Variants in HFE observed in about 807,000 individuals in gnomAD.
HFE encodes the protein hereditary hemochromatosis protein.
HFE carries 36 observed loss-of-function variants against 40.9 expected under a neutral mutation model. That is an observed-to-expected ratio of 0.88 (90% CI 0.67 to 1.16). The LOEUF (loss-of-function observed/expected upper bound fraction) is 1.16, where lower values mean the gene tolerates loss of function less well. Among genes scored for constraint, HFE ranks in the 50% most tolerant of loss-of-function variants. HFE has a pLI of 0.00. For synonymous variants in HFE, 157 were observed against 165.4 expected (o/e 0.95, Z 0.39); for missense variants, 376 against 432.0 (o/e 0.87, Z 1.15).
At chr6:26,087,640 C>A in intron 1 of HFE, 124 bp downstream of exon 1, 1 of 764,398 alleles carries the variant, frequency 1.3e-6, no homozygotes, top group South Asian at 1.7e-5. Context: ...TCCGCAAGCC[C>A]CTCTCCCTAC....
rs377254261 is a variant in HFE, at chr6:26,090,874, C to T, written c.110C>T (p.Ala37Val). Residue 37 changes from alanine to valine, a missense_variant, in exon 2 of 6, where the codon GCC (alanine) becomes GTC (valine). Ala to Val is a moderately conservative substitution (Grantham distance 64). Around this residue, in one of 3 missense-constraint regions of HFE, gnomAD observed 200 missense variants for 228.5 expected, o/e 0.88. Coordinates refer to ENST00000357618, the MANE Select transcript of HFE (RefSeq NM_000410.4). ...SHSLHYLFMG[A>V]SEQDLGLSLF... ...TCTCTGCACTACCTCTTCATGGGTG[C>T]CTCAGAGCAGGACCTTGGTCTTTCC... 3 of 1,614,120 alleles carry T rather than the reference C, an allele frequency of 1.9e-6. No homozygotes were observed. The highest frequency in any genetic ancestry group is 1.1e-5 in the South Asian group (1 of 91,082).
rs1762952108 is a variant in HFE at position 26,094,851 on chromosome 6, CTG to C, written c.*628_*629del. 3 of 198,000 alleles carry C rather than the reference CTG, an allele frequency of 1.5e-5. No homozygotes were observed. The highest frequency in any genetic ancestry group is 7.0e-5 in the African/African-American group (3 of 42,652). The allele number at this position is 198,000 out of a possible 1,614,324, so 12.3% of individuals were successfully genotyped here. A position where few individuals can be genotyped will look rare whatever the true frequency, so the allele number is the denominator to read the frequency against. Reference sequence around the variant, plus strand: ...GTCCCAGAAAAAGCATCATGGCTATCTGTGGGTAGTATGATGGGTGTTTTTAG... The same window carrying C: ...GTCCCAGAAAAAGCATCATGGCTATCTGGGTAGTATGATGGGTGTTTTTAG... On this transcript the variant is annotated 3_prime_UTR_variant, in exon 6 of 6. Coordinates refer to ENST00000357618, the MANE Select transcript of HFE (RefSeq NM_000410.4).
Position 26,091,496 on chromosome 6 carries a change from C to G in HFE, c.523C>G (p.Arg175Gly). The G allele has an allele frequency of 6.2e-7, 1 of 1,614,110 alleles. No homozygotes were observed. Residue 175 changes from arginine (R) to glycine (G), a missense_variant, in exon 3 of 6, where the codon CGG becomes GGG. By Grantham distance (125) the Arg-to-Gly change is moderately radical. Coordinates refer to ENST00000357618, the MANE Select transcript of HFE (RefSeq NM_000410.4). ...GCTGGAGTGGGAAAGGCACAAGATT[C>G]GGGCCAGGCAGAACAGGGCCTACCT... is the stretch of plus-strand genomic sequence containing the variant. ...TKLEWERHKI[R>G]ARQNRAYLER...
At position 26,096,798 on chromosome 6, in the gene HFE, C is replaced by T. The variant is rs186060045; in HGVS notation, c.*2572C>T. 2 of 359,070 alleles carry T rather than the reference C, an allele frequency of 5.6e-6. No homozygotes were observed. The highest frequency in any genetic ancestry group is 4.3e-5 in the African/African-American group (2 of 46,898). 22.2% of individuals were successfully genotyped at this position (359,070 alleles called of 1,614,324 possible). On this transcript the variant is annotated 3_prime_UTR_variant, in exon 6 of 6. Transcript: ENST00000357618. ...TAGTATTATTGTTGCATTAAAAATG[C>T]ATATACTTTAATAAATGTATATTGT... is the stretch of plus-strand genomic sequence containing the variant.
At chr6:26,089,938 C>A (rs898654099) in intron 1 of HFE, among the ~76,000 whole-genome samples, 3 of 152,030 alleles carry the variant, frequency 2.0e-5, no homozygotes, top group Non-Finnish European at 4.4e-5. Context: ...CCCTGACCCC[C>A]TGAAAAAGAG....
chr6:26,091,066 A>T lies in HFE; in HGVS notation c.302A>T (p.Asp101Val). Residue 101 changes from aspartate to valine, a missense_variant, in exon 2 of 6, where the codon GAC (aspartate) becomes GTC (valine). Physicochemically the swap from Asp to Val is radical, Grantham distance 152. Coordinates refer to ENST00000357618, the MANE Select transcript of HFE (RefSeq NM_000410.4). ...GGGTGGGATCACATGTTCACTGTTG[A>T]CTTCTGGACTATTATGGAAAATCAC... is the stretch of plus-strand genomic sequence containing the variant. ...LKGWDHMFTV[D>V]FWTIMENHNH... 6.2e-7 allele frequency: 1 copy of T among 1,614,098 alleles called. No homozygotes were observed. The highest frequency in any genetic ancestry group is 8.5e-7 in the Non-Finnish European group (1 of 1,180,016).
rs540866415 is a variant in HFE, at chr6:26,092,336, C to A, written c.617-349C>A. 1.4e-3 allele frequency among the ~76,000 whole-genome samples: 209 copies of A among 152,290 alleles called. 5 individuals are homozygous for A. The South Asian group carries it at 0.022, about 16-fold the overall frequency. On this transcript the variant is annotated intron_variant, in intron 3 of 5. Transcript: ENST00000357618. ...ATAATCACTGAAGCTACCTATCTTA[C>A]AAGTCCGCTTCTTATAACAATGCCT...
intron 3 of HFE, among the ~76,000 whole-genome samples, chr6:26,091,901 G>A (rs958537189): frequency 6.6e-6 from 1 of 151,894 alleles, no homozygotes; most frequent in Non-Finnish European, 1.5e-5. Context: ...TGTCAAGGCC[G>A]GGCACGGTGG....
In HFE at chr6:26,092,610, A is replaced by G. The variant is rs1355574645; in HGVS notation, c.617-75A>G. 9.3e-6 allele frequency: 15 copies of G among 1,613,598 alleles called. No individual in the cohort carries two copies. The East Asian group carries it at 3.3e-4, about 36-fold the overall frequency. ...GTATTTCCTTCCTCCAACCTATAGA[A>G]GGAAGTGAAAGTTCCAGTCTTCCTG... On this transcript the variant is annotated intron_variant, in intron 3 of 5. Transcript: ENST00000357618.
At chr6:26,091,763 G>T (rs1338598385) in intron 3 of HFE, among the ~76,000 whole-genome samples, 174 bp downstream of exon 3, 1 of 152,168 alleles carries the variant, frequency 6.6e-6, no homozygotes, top group Non-Finnish European at 1.5e-5. Flanking sequence ...AGATGTATGA[G>T]ACAGCCACAA....
Position 26,091,323 on chromosome 6 carries a change from C to T in HFE, c.350C>T (p.Thr117Ile), listed in dbSNP as rs1309538770. 2 of 1,614,024 alleles carry T rather than the reference C, an allele frequency of 1.2e-6. No homozygotes were observed. The highest frequency in any genetic ancestry group is 1.7e-6 in the Non-Finnish European group (2 of 1,180,034). ...ENHNHSKESH[T>I]LQVILGCEMQ... ...CTGGGGATTTTTCCAGAGTCCCACACCCTGCAGGTCATCCTGGGCTGTGAA... is the reference window on the plus strand; with the variant it reads ...CTGGGGATTTTTCCAGAGTCCCACATCCTGCAGGTCATCCTGGGCTGTGAA... The change falls in exon 3 of 6, where the codon ACC (threonine) becomes ATC (isoleucine). Residue 117 changes from threonine (T) to isoleucine (I), a missense_variant. Physicochemically the swap from Thr to Ile is moderately conservative, Grantham distance 89 (BLOSUM62 -1). Coordinates refer to ENST00000357618, the MANE Select transcript of HFE (RefSeq NM_000410.4).
chr6:26,093,797 C>G (rs1762891897), intron 5 of HFE, among the ~76,000 whole-genome samples: 1 of 151,948 alleles, frequency 6.6e-6, no homozygotes, highest in Admixed American at 6.6e-5. Flanking sequence ...CCTGAGTTTG[C>G]GTAGCTATCA....
At chr6:26,094,165 C>G (rs963057738) in intron 5 of HFE, 21 bp from the exon 6 acceptor site, 9 of 1,613,384 alleles carry the variant, frequency 5.6e-6, no homozygotes, top group Non-Finnish European at 7.6e-6. Flanking sequence ...TGCCTCTTTC[C>G]TGGGTCTCTT....
At chr6:26,094,057 T>C in intron 5 of HFE, 129 bp from the exon 6 acceptor site, 1 of 880,330 alleles carries the variant, frequency 1.1e-6, no homozygotes, top group Non-Finnish European at 1.9e-6. Context: ...TGAGAGATAA[T>C]GGTTCTTGAA....
chr6:26,092,840 C>T lies in HFE; in HGVS notation c.772C>T (p.Pro258Ser). The T allele has an allele frequency of 6.2e-7, 1 of 1,614,186 alleles. No homozygotes were observed. The stretch of plus-strand genomic sequence containing the variant: ...GGAGTTCGAACCTAAAGACGTATTG[C>T]CCAATGGGGATGGGACCTACCAGGG... ...AKEFEPKDVLPNGDGTYQGWI... is the reference protein window; with the variant it reads ...AKEFEPKDVLSNGDGTYQGWI... Residue 258 changes from proline (P) to serine (S), a missense_variant, in exon 4 of 6, where the codon CCC becomes TCC. Physicochemically the swap from Pro to Ser is moderately conservative, Grantham distance 74 (BLOSUM62 -1). Around this residue, in one of 3 missense-constraint regions of HFE, gnomAD observed 173 missense variants for 186.9 expected, o/e 0.93. Transcript: ENST00000357618.
chr6:26,091,698 T>A, intron 3 of HFE, 109 bp downstream of exon 3: 1 of 1,133,958 alleles, frequency 8.8e-7, no homozygotes, highest in Non-Finnish European at 1.3e-6. Context: ...GCTGTGTGCC[T>A]CTCCAAATTC....
chr6:26,092,889 C>T lies in HFE; in HGVS notation c.821C>T (p.Pro274Leu). 1 of 1,614,172 alleles carries T rather than the reference C, an allele frequency of 6.2e-7. No homozygotes were observed. Among genetic ancestry groups the T allele is most frequent in the Non-Finnish European group, 8.5e-7 (1 of 1,180,020 alleles). ...YQGWITLAVP[P>L]GEEQRYTCQV... The stretch of plus-strand genomic sequence containing the variant: ...GGCTGGATAACCTTGGCTGTACCCC[C>T]TGGGGAAGAGCAGAGATATACGTGC... The change falls in exon 4 of 6, where the codon CCT becomes CTT. Residue 274 changes from proline to leucine, a missense_variant. Coordinates refer to ENST00000357618, the MANE Select transcript of HFE (RefSeq NM_000410.4).
In HFE at chr6:26,090,909, G is replaced by A; in HGVS notation, c.145G>A (p.Ala49Thr). 1 of 1,614,174 alleles carries A rather than the reference G, an allele frequency of 6.2e-7. No homozygotes were observed. The highest frequency in any genetic ancestry group is 1.1e-5 in the South Asian group (1 of 91,084). Residue 49 changes from alanine to threonine, a missense_variant, in exon 2 of 6, where the codon GCT becomes ACT. By Grantham distance (58) the Ala-to-Thr change is moderately conservative. This residue lies in a region of HFE where 200 missense variants were observed against 228.5 expected (regional missense o/e 0.88). Transcript: ENST00000357618. Reference protein sequence around the residue: ...EQDLGLSLFEALGYVDDQLFV... With the variant: ...EQDLGLSLFETLGYVDDQLFV... ...GGACCTTGGTCTTTCCTTGTTTGAA[G>A]CTTTGGGCTACGTGGATGACCAGCT...
rs1763056693 is a variant in HFE at position 26,096,730 on chromosome 6, A to G, written c.*2504A>G. 1 of 375,706 alleles carries G rather than the reference A, an allele frequency of 2.7e-6. No homozygotes were observed. Among genetic ancestry groups the G allele is most frequent in the South Asian group, 2.0e-5 (1 of 49,002 alleles). 23.3% of individuals were successfully genotyped at this position (375,706 alleles called of 1,614,324 possible). ...ATGAATACAATTAAAGCTGTTATTT[A>G]ATTAGCCAGTGAAAAACTATTAACA... On this transcript the variant is annotated 3_prime_UTR_variant, in exon 6 of 6. Coordinates refer to ENST00000357618, the MANE Select transcript of HFE (RefSeq NM_000410.4).
Sources: allele counts gnomAD v4.1 joint callset (sites outside exome capture counted in the v4.1 genomes callset), GRCh38; gene constraint gnomAD v4.1.1; regional missense constraint gnomAD v4.1.1; transcripts MANE v1.5; gene names NCBI Gene and HGNC (gene_info 2026-07-23, HGNC 2026-07-21).